Variants in TTN observed in about 807,000 individuals in gnomAD.
TTN encodes titin.
TTN carries 1,525 observed loss-of-function variants against 3,223.0 expected under a neutral mutation model. The observed-to-expected ratio is 0.47, with a 90% CI of 0.45 to 0.49. The LOEUF (loss-of-function observed/expected upper bound fraction) is 0.49. TTN is among the 20% of genes least tolerant of loss of function. The pLI, the probability that TTN is intolerant of heterozygous loss-of-function variation, is 0.00. For synonymous variants in TTN, 14,094 were observed against 15,161.0 expected, an observed-to-expected ratio of 0.93 and a Z score of 5.17; for missense variants, 40,786 against 43,424.0, an observed-to-expected ratio of 0.94 and a Z score of 5.40.
chr2:178,780,319 T>A, intron 21 of TTN, 114 bp from the exon 22 acceptor site: 1 of 928,778 alleles, frequency 1.1e-6, no homozygotes, highest in Non-Finnish European at 1.7e-6. Context: ...AAACCAAATT[T>A]TCCAAATATC....
intron 204 of TTN, 51 bp downstream of exon 204, chr2:178,652,045 C>T: frequency 6.2e-7 from 1 of 1,612,044 alleles, no homozygotes; most frequent in Non-Finnish European, 8.5e-7. Context: ...TTTTACAACA[C>T]TAAGGAAAGA....
rs761811175 is a variant in TTN at position 178,671,981 on chromosome 2, A to G, written c.35217T>C (p.Ala11739=). The change falls in exon 155 of 363, where the codon GCT becomes GCC. Residue 11739 remains alanine (A), a synonymous_variant. Transcript: ENST00000589042. ...EEVEVFEKPK[A]PPKGPEISEK... is the part of the protein sequence containing the mutation. Reference sequence around the variant, plus strand: ...AAGAATTCCCTATACCTTTAGGTGGAGCTTTTGGTTTTTCAAATACTTCCA... The same window carrying G: ...AAGAATTCCCTATACCTTTAGGTGGGGCTTTTGGTTTTTCAAATACTTCCA... The G allele has an allele frequency of 3.1e-6, 5 of 1,600,446 alleles. No homozygotes were observed. The highest frequency in any genetic ancestry group is 4.3e-6 in the Non-Finnish European group (5 of 1,176,378).
intron 139 of TTN, 60 bp downstream of exon 139, chr2:178,680,194 C>G: frequency 6.3e-7 from 1 of 1,597,936 alleles, no homozygotes; most frequent in South Asian, 1.1e-5. Context: ...ACACACAGAA[C>G]TGAAGAGGAA....
intron 226 of TTN, 62 bp from the exon 227 acceptor site, chr2:178,635,777 C>T (rs182471664): frequency 6.5e-7 from 1 of 1,534,020 alleles, no homozygotes; most frequent in East Asian, 2.3e-5. Context: ...ACATAGCTTC[C>T]TTAGTAAATT....
chr2:178,693,218 A>T lies in TTN; in HGVS notation c.31594+391T>A, dbSNP rs192729545. Reference sequence around the variant, plus strand: ...GAGTTTTGAGTATTTATTAATATTTAAAAATATACTTTATTGGACTGTAAA... The same window carrying T: ...GAGTTTTGAGTATTTATTAATATTTTAAAATATACTTTATTGGACTGTAAA... On this transcript the variant is annotated intron_variant, in intron 119 of 362. Coordinates refer to ENST00000589042, the MANE Select transcript of TTN (RefSeq NM_001267550.2). 2.0e-4 allele frequency among the ~76,000 whole-genome samples: 30 copies of T among 152,252 alleles called. No individual in the cohort carries two copies. The East Asian group carries it at 3.9e-3, about 20-fold the overall frequency.
chr2:178,799,159 G>A lies in TTN; in HGVS notation c.914+328C>T, dbSNP rs2093919943. 9.0e-6 allele frequency: 3 copies of A among 333,230 alleles called. No homozygotes were observed. The South Asian group carries it at 9.5e-5, about 11-fold the overall frequency. 20.6% of individuals were successfully genotyped at this position (333,230 alleles called of 1,614,324 possible). A position where few individuals can be genotyped will look rare whatever the true frequency, so the allele number is the denominator to read the frequency against. On this transcript the variant is annotated intron_variant, in intron 6 of 362. Transcript: ENST00000589042. ...GGTCCCTAGCGAGGCCTGTGCCCAT[G>A]GACCTAGGTGAGGACAAACACTCCT...
Position 178,542,526 on chromosome 2 carries a change from A to C in TTN, c.97230T>G (p.Asp32410Glu). Residue 32410 changes from aspartate (D) to glutamate (E), a missense_variant, in exon 349 of 363, where the codon GAT (aspartate) becomes GAG (glutamate). Coordinates refer to ENST00000589042, the MANE Select transcript of TTN (RefSeq NM_001267550.2). ...TGGTAATTGATGTAGCATCAATTTC[A>C]TCAATCTTAATAGGTCCTGTTGGTG... ...PGPPTGPIKI[D>E]EIDATSITIS... 1 of 1,610,700 alleles carries C rather than the reference A, an allele frequency of 6.2e-7. No homozygotes were observed. Among genetic ancestry groups the C allele is most frequent in the Non-Finnish European group, 8.5e-7 (1 of 1,177,236 alleles).
chr2:178,598,042 A>T lies in TTN; in HGVS notation c.57128T>A (p.Val19043Glu). 6.2e-7 allele frequency: 1 copy of T among 1,612,602 alleles called. No homozygotes were observed. Among genetic ancestry groups the T allele is most frequent in the East Asian group, 2.2e-5 (1 of 44,788 alleles). Residue 19043 changes from valine to glutamate, a missense_variant, in exon 293 of 363, where the codon GTG becomes GAG. By Grantham distance (121) the Val-to-Glu change is moderately radical (BLOSUM62 -2). Coordinates refer to ENST00000589042, the MANE Select transcript of TTN (RefSeq NM_001267550.2). ...TGTCACAACAAGCTTTGTTCCTCTCACTTCTTTATCTTTACCCTGGGGAGA... is the reference window on the plus strand; with the variant it reads ...TGTCACAACAAGCTTTGTTCCTCTCTCTTCTTTATCTTTACCCTGGGGAGA... ...EEWEKGKDKE[V>E]RGTKLVVTGL...
At chr2:178,805,523 A>G (rs1211745687) in intron 1 of TTN, among the ~76,000 whole-genome samples, 1 of 152,100 alleles carries the variant, frequency 6.6e-6, no homozygotes, top group Non-Finnish European at 1.5e-5. Context: ...AAAAATCTGA[A>G]CTTTGTAATC....
Position 178,634,971 on chromosome 2 carries a change from C to G in TTN, c.42025-122G>C, listed in dbSNP as rs966973763. 2.2e-6 allele frequency: 3 copies of G among 1,374,836 alleles called. No homozygotes were observed. The Admixed American group carries it at 8.5e-5, about 39-fold the overall frequency. The allele number at this position is 1,374,836 out of a possible 1,614,324, so 85.2% of individuals were successfully genotyped here. Reference sequence around the variant, plus strand: ...TACTAATAAAAGTAAGCAGAGAATTCCCTGTCATAACATTTTACACAAATT... The same window carrying G: ...TACTAATAAAAGTAAGCAGAGAATTGCCTGTCATAACATTTTACACAAATT... On this transcript the variant is annotated intron_variant, in intron 228 of 362. Transcript: ENST00000589042. The surrounding 1 kb of genome is among the most constrained non-coding windows in gnomAD (Gnocchi z 4.6).
intron 321 of TTN, 126 bp downstream of exon 321, chr2:178,578,485 T>G: frequency 1.2e-5 from 9 of 733,518 alleles, no homozygotes; most frequent in Non-Finnish European, 1.8e-5. Context: ...CCATATGTAC[T>G]GAAATAAAAA....
At chr2:178,544,770 T>C (rs1696257715) in intron 344 of TTN, among the ~76,000 whole-genome samples, 1 of 152,204 alleles carries the variant, frequency 6.6e-6, no homozygotes, top group Non-Finnish European at 1.5e-5. Context: ...GTGTGTTCTC[T>C]ATTAGCTAAG....
At chr2:178,632,102 C>A (rs1490309132) in intron 236 of TTN, 45 bp downstream of exon 236, 5 of 1,501,204 alleles carry the variant, frequency 3.3e-6, no homozygotes, top group Non-Finnish European at 4.4e-6. Context: ...CCACAAATTT[C>A]TGTTGAATTT....
intron 236 of TTN, 124 bp from the exon 237 acceptor site, chr2:178,631,424 A>G (rs939947759): frequency 7.5e-6 from 8 of 1,067,616 alleles, no homozygotes; most frequent in African/African-American, 3.2e-5. Flanking sequence ...CAAGTGTTCA[A>G]TCATTTAACC....
At position 178,701,219 on chromosome 2, in the gene TTN, G is replaced by T. The variant is rs773028744; in HGVS notation, c.30599-16C>A. ...GGAGGGATTTCTGAAGAAAATAAATGCCGTTAGTAACATGTTTTAGTTTCT... is the reference window on the plus strand; with the variant it reads ...GGAGGGATTTCTGAAGAAAATAAATTCCGTTAGTAACATGTTTTAGTTTCT... On this transcript the variant is annotated splice_polypyrimidine_tract_variant and intron_variant, in intron 110 of 362. Transcript: ENST00000589042. The T allele has an allele frequency of 4.4e-6, 7 of 1,596,230 alleles. No individual in the cohort carries two copies. The highest frequency in any genetic ancestry group is 6.0e-6 in the Non-Finnish European group (7 of 1,171,394).
intron 359 of TTN, 167 bp from the exon 360 acceptor site, chr2:178,529,386 G>A: frequency 2.0e-6 from 1 of 489,840 alleles, no homozygotes; most frequent in East Asian, 3.2e-5. Flanking sequence ...AAATTATCAT[G>A]TGTGACTTTT....
chr2:178,575,620 T>C lies in TTN; in HGVS notation c.70512A>G (p.Glu23504=), dbSNP rs756806370. The C allele has an allele frequency of 6.2e-7, 1 of 1,613,618 alleles. No individual in the cohort carries two copies. Among genetic ancestry groups the C allele is most frequent in the Non-Finnish European group, 8.5e-7 (1 of 1,179,646 alleles). The change falls in exon 326 of 363, where the codon GAA becomes GAG. Residue 23504 remains glutamate, a synonymous_variant. Transcript: ENST00000589042. This position sits in a 1 kb window ranked among gnomAD's most constrained non-coding sequence, Gnocchi z 4.0. ...TCTCTGCCATCACTCTGAAGAAATA[T>C]TCACACCCTTCAGACAAGCCGGTAA... ...YKVTGLSEGC[E]YFFRVMAENE...
chr2:178,627,091 T>G (rs2059161056), intron 240 of TTN, among the ~76,000 whole-genome samples: 1 of 151,984 alleles, frequency 6.6e-6, no homozygotes, highest in African/African-American at 2.4e-5. Context: ...TGGAAGCATA[T>G]TAATATAATA....
chr2:178,778,108 C>G (rs759277691), intron 24 of TTN, 133 bp from the exon 25 acceptor site: 19 of 1,103,460 alleles, frequency 1.7e-5, no homozygotes, highest in Non-Finnish European at 2.4e-5. Flanking sequence ...GCACCTCAAA[C>G]TCATTCAGAT....
Sources: allele counts gnomAD v4.1 joint callset (sites outside exome capture counted in the v4.1 genomes callset), GRCh38; gene constraint gnomAD v4.1.1; non-coding constraint Gnocchi (gnomAD v3.1); transcripts MANE v1.5; gene names NCBI Gene and HGNC (gene_info 2026-07-23, HGNC 2026-07-21).